The following TANGO6 variants were observed in gnomAD, a reference collection of about 807,000 sequenced individuals.
The protein encoded by TANGO6 is transport and golgi organization 6 homolog.
TANGO6 carries 90 observed loss-of-function variants against 114.2 expected under a neutral mutation model. That is an observed-to-expected ratio of 0.79 (90% CI 0.66 to 0.94). TANGO6 has a LOEUF of 0.94. TANGO6 is among the 40% of genes least tolerant of loss of function. TANGO6 has a pLI of 0.00. For missense variants in TANGO6, 1,274 were observed against 1,315.3 expected (o/e 0.97, Z 0.49); for synonymous variants, 477 against 509.8 (o/e 0.94, Z 0.87).
chr16:68,874,630 T>C (rs1176928319), intron 4 of TANGO6, among the ~76,000 whole-genome samples: 1 of 152,162 alleles, frequency 6.6e-6, no homozygotes, highest in Non-Finnish European at 1.5e-5. Context: ...AGTTTTTCTC[T>C]GAATTTCCCA....
chr16:68,912,813 C>T (rs1000711941), intron 11 of TANGO6, among the ~76,000 whole-genome samples: 2 of 151,174 alleles, frequency 1.3e-5, no homozygotes, highest in African/African-American at 2.4e-5. Context: ...TGGTGGCTCA[C>T]GCCTGTAATC....
intron 10 of TANGO6, among the ~76,000 whole-genome samples, chr16:68,907,915 C>T (rs1259328381): frequency 6.6e-6 from 1 of 152,176 alleles, no homozygotes; most frequent in Non-Finnish European, 1.5e-5. Flanking sequence ...GGTTTTACAG[C>T]TATAGAGTAA....
intron 3 of TANGO6, among the ~76,000 whole-genome samples, chr16:68,864,586 A>AAAAAAC (rs1393726478): frequency 6.6e-6 from 1 of 152,134 alleles, no homozygotes; most frequent in Admixed American, 6.5e-5. Context: ...GTCTTTAAAA[A>AAAAAAC]AAAAACAAAA....
At chr16:68,875,976 TAA>T (rs1373841397) in intron 5 of TANGO6, among the ~76,000 whole-genome samples, 3 of 152,116 alleles carry the variant, frequency 2.0e-5, no homozygotes, top group Non-Finnish European at 2.9e-5. Context: ...AACCGAAAAC[TAA>T]GTCTCCCTAC....
chr16:68,866,527 G>A (rs1004091347), intron 3 of TANGO6, among the ~76,000 whole-genome samples: 2 of 151,486 alleles, frequency 1.3e-5, no homozygotes, highest in African/African-American at 2.4e-5. Flanking sequence ...GGAGGCTGAG[G>A]CAGGAGAATG....
chr16:68,921,443 C>G (rs2152192052), intron 12 of TANGO6, among the ~76,000 whole-genome samples: 1 of 151,980 alleles, frequency 6.6e-6, no homozygotes, highest in East Asian at 1.9e-4. Context: ...CTCGGCCTCC[C>G]AAAGTGTTAC....
rs1049890314 is a variant in TANGO6 at position 68,927,913 on chromosome 16, A to T, written c.2473A>T (p.Thr825Ser). The change falls in exon 13 of 18, where the codon ACT (threonine) becomes TCT (serine). Residue 825 changes from threonine (T) to serine (S), a missense_variant. This residue lies in a region of TANGO6 where 908 missense variants were observed against 910.2 expected (regional missense o/e 1.00). Coordinates refer to ENST00000261778, the MANE Select transcript of TANGO6 (RefSeq NM_024562.2). ...TCCTCAAGGAGTCAATGAGCCCAGC[A>T]CTACTACAAGTCAGAAATCTGGAAG... is the stretch of plus-strand genomic sequence containing the variant. Reference protein sequence around the residue: ...IIPQGVNEPSTTTSQKSGSVT... With the variant: ...IIPQGVNEPSSTTSQKSGSVT... The T allele has an allele frequency of 1.2e-6, 2 of 1,613,932 alleles. No individual in the cohort carries two copies. Among genetic ancestry groups the T allele is most frequent in the South Asian group, 2.2e-5 (2 of 91,058 alleles).
At chr16:68,932,067 CTA>C in intron 14 of TANGO6, among the ~76,000 whole-genome samples, 1 of 151,668 alleles carries the variant, frequency 6.6e-6, no homozygotes, top group Middle Eastern at 3.4e-3. Context: ...CTCAATAAAA[CTA>C]TTATCAAAAA....
chr16:68,855,009 CT>C (rs111359815), intron 1 of TANGO6, among the ~76,000 whole-genome samples: 16,241 of 144,928 alleles, frequency 0.11, 879 homozygotes, highest in Non-Finnish European at 0.13. Context: ...CATCTTTTTT[CT>C]TTTTTTTTTT....
chr16:69,004,287 C>G (rs561243625), intron 15 of TANGO6, among the ~76,000 whole-genome samples: 18 of 151,990 alleles, frequency 1.2e-4, no homozygotes, highest in Non-Finnish European at 2.2e-4. Flanking sequence ...TCTTGAAACT[C>G]TAGTCATGAG....
At chr16:69,004,516 C>T (rs560923469) in intron 15 of TANGO6, among the ~76,000 whole-genome samples, 46 of 152,100 alleles carry the variant, frequency 3.0e-4, no homozygotes, top group Admixed American at 1.8e-3. Flanking sequence ...CCACCACGCC[C>T]GGCTAATTTT....
chr16:68,916,484 G>A lies in TANGO6; in HGVS notation c.1993-2601G>A, dbSNP rs548671586. Among the ~76,000 whole-genome samples the A allele has an allele frequency of 1.5e-4, 22 of 150,304 alleles. No homozygotes were observed. In the East Asian group the frequency reaches 3.5e-3, roughly 24 times the overall value. ...CTCCCGCCCCTGCCAACCCCAGTGT[G>A]TGGAAAAATTGTCTTCCATGAAACC... is the stretch of plus-strand genomic sequence containing the variant. On this transcript the variant is annotated intron_variant, in intron 11 of 17. Transcript: ENST00000261778.
chr16:68,980,409 C>CTCTCTCTCTCTCTCTATATATATATA (rs1408626276), intron 15 of TANGO6, among the ~76,000 whole-genome samples: 1 of 68,012 alleles, frequency 1.5e-5, no homozygotes, highest in Non-Finnish European at 2.7e-5. Flanking sequence ...CTCTCTCTCT[C>CTCTCTCTCTCTCTCTATATATATATA]TATATATATA....
chr16:69,068,794 A>C lies in TANGO6; in HGVS notation c.3109-14691A>C, dbSNP rs567905923. 2.0e-5 allele frequency among the ~76,000 whole-genome samples: 3 copies of C among 151,906 alleles called. No individual in the cohort carries two copies. The East Asian group carries it at 5.8e-4, about 29-fold the overall frequency. On this transcript the variant is annotated intron_variant, in intron 17 of 17. Transcript: ENST00000261778. The stretch of plus-strand genomic sequence containing the variant: ...GGTGACGCCATCTTGGCTCACTGCA[A>C]CCTCCGCCTCCCAGATTCAAGCAAT...
intron 15 of TANGO6, among the ~76,000 whole-genome samples, chr16:68,986,290 A>T (rs1349899898): frequency 6.6e-6 from 1 of 152,140 alleles, no homozygotes; most frequent in Admixed American, 6.6e-5. Flanking sequence ...CTGAGGGGTG[A>T]GAATTAAGTC....
chr16:69,083,530 G>A lies in TANGO6; in HGVS notation c.3154G>A (p.Val1052Ile), dbSNP rs371290212. The A allele has an allele frequency of 3.5e-5, 56 of 1,612,540 alleles. No homozygotes were observed. Among genetic ancestry groups the A allele is most frequent in the South Asian group, 1.2e-4 (11 of 90,578 alleles). ...LKDLYHLLKH[V>I]VCLEPDDVAK... ...GGATCTCTACCACCTGCTGAAGCAC[G>A]TAGTGTGTCTGGAGCCCGATGACGT... Residue 1052 changes from valine (V) to isoleucine (I), a missense_variant, in exon 18 of 18, where the codon GTA becomes ATA. Val to Ile is a conservative substitution (Grantham distance 29). Coordinates refer to ENST00000261778, the MANE Select transcript of TANGO6 (RefSeq NM_024562.2).
chr16:68,986,359 A>C (rs1203566363), intron 15 of TANGO6, among the ~76,000 whole-genome samples: 1 of 152,122 alleles, frequency 6.6e-6, no homozygotes, highest in East Asian at 1.9e-4. Context: ...ATCCTGAGGC[A>C]AAGCAGCTCC....
chr16:68,852,646 A>G (rs1162660010), intron 1 of TANGO6, among the ~76,000 whole-genome samples: 1 of 152,080 alleles, frequency 6.6e-6, no homozygotes, highest in East Asian at 1.9e-4. Context: ...CCTGGGCAAC[A>G]TAGTGAGACC....
chr16:69,056,589 A>C (rs1055897847), intron 17 of TANGO6, among the ~76,000 whole-genome samples: 7 of 151,794 alleles, frequency 4.6e-5, no homozygotes, highest in Non-Finnish European at 7.4e-5. Flanking sequence ...AAAAAAAAAA[A>C]CCCACAATTT....
Sources: gnomAD v4.1 joint callset for allele counts (sites outside exome capture counted in the v4.1 genomes callset) on GRCh38, gnomAD v4.1.1 for gene constraint, gnomAD v4.1.1 regional missense constraint, MANE v1.5 for transcripts, NCBI Gene and HGNC (gene_info 2026-07-23, HGNC 2026-07-21) for gene names.